AXDND1: variants seen among roughly 807,000 people sequenced by gnomAD.
The protein encoded by AXDND1 is axonemal dynein light chain domain-containing protein 1.
Under a neutral mutation model 137.5 loss-of-function variants are expected in AXDND1, and 110 were observed. That is an observed-to-expected ratio of 0.80 (90% CI 0.69 to 0.94). AXDND1 has a LOEUF of 0.94. Ranked by LOEUF, AXDND1 falls within the 40% of genes least tolerant of loss-of-function variation. The pLI is 0.00. For synonymous variants in AXDND1, 414 were observed against 399.7 expected, an observed-to-expected ratio of 1.04 and a Z score of -0.43; for missense variants, 1,191 against 1,169.8, an observed-to-expected ratio of 1.02 and a Z score of -0.26.
intron 16 of AXDND1, chr1:179,451,475 A>C (rs1660545269): frequency 6.6e-6 from 1 of 152,094 alleles, no homozygotes; most frequent in Non-Finnish European, 1.5e-5. Context: ...AAGGTTTATC[A>C]ATTTTGTGGA....
At chr1:179,421,696 T>A (rs114195101) in intron 12 of AXDND1, among the ~76,000 whole-genome samples, 6,383 of 152,104 alleles carry the variant, frequency 0.042, 200 homozygotes, top group Non-Finnish European at 0.062. Flanking sequence ...ATCTTTTTTC[T>A]TATTTAGTCT....
chr1:179,395,987 G>T (rs1349323030), intron 11 of AXDND1, among the ~76,000 whole-genome samples: 3 of 151,842 alleles, frequency 2.0e-5, no homozygotes, highest in Admixed American at 6.6e-5. Context: ...TGGCCAACAT[G>T]GCAAAACCCC....
chr1:179,544,698 A>AAAAG, intron 25 of AXDND1: 1 of 152,046 alleles, frequency 6.6e-6, no homozygotes, highest in East Asian at 1.9e-4. Context: ...AAGAAAAAGA[A>AAAAG]AAAAAGAGAG....
At chr1:179,547,434 C>T (rs1243021824) in intron 25 of AXDND1, among the ~76,000 whole-genome samples, 3 of 152,198 alleles carry the variant, frequency 2.0e-5, no homozygotes. Context: ...ATGAACTATG[C>T]AGAGTGCAGG....
chr1:179,487,413 A>G (rs902284094), intron 18 of AXDND1, among the ~76,000 whole-genome samples: 1 of 148,770 alleles, frequency 6.7e-6, no homozygotes, highest in Admixed American at 6.6e-5. Context: ...TGTTTGGTAC[A>G]TTATAAAACA....
At chr1:179,448,971 C>T in intron 16 of AXDND1, 1 of 293,856 alleles carries the variant, frequency 3.4e-6, no homozygotes, top group South Asian at 2.6e-5. Flanking sequence ...ATTGCAGTCT[C>T]AGCCTCCTGG....
At chr1:179,523,242 TG>T (rs1182741114) in intron 21 of AXDND1, among the ~76,000 whole-genome samples, 7 of 41,696 alleles carry the variant, frequency 1.7e-4, no homozygotes, top group African/African-American at 2.7e-4. Context: ...TGATTGTTTT[TG>T]TTTTTTTTTT....
intron 20 of AXDND1, among the ~76,000 whole-genome samples, chr1:179,503,702 C>G (rs1392000994): frequency 6.6e-6 from 1 of 152,084 alleles, no homozygotes; most frequent in African/African-American, 2.4e-5. Context: ...CATCCCTCCC[C>G]CCTGCCCTCA....
chr1:179,519,048 A>T (rs1457504526), intron 21 of AXDND1, among the ~76,000 whole-genome samples: 1 of 152,180 alleles, frequency 6.6e-6, no homozygotes, highest in East Asian at 1.9e-4. Flanking sequence ...CCTTGCCAGC[A>T]TCTGTTATTT....
chr1:179,550,982 G>A, intron 25 of AXDND1: 1 of 675,674 alleles, frequency 1.5e-6, no homozygotes, highest in Non-Finnish European at 2.5e-6. Context: ...ACGGAAACAT[G>A]TTGTCTGCCT....
chr1:179,400,468 T>A (rs11583817), intron 11 of AXDND1, among the ~76,000 whole-genome samples: 44,219 of 151,766 alleles, frequency 0.29, 6,639 homozygotes, highest in Non-Finnish European at 0.31. Flanking sequence ...AATATGGTGC[T>A]GTGTATACTG....
At chr1:179,502,893 C>T (rs1668154134) in intron 20 of AXDND1, among the ~76,000 whole-genome samples, 2 of 151,842 alleles carry the variant, frequency 1.3e-5, no homozygotes, top group Non-Finnish European at 2.9e-5. Flanking sequence ...GTTGGGAGAT[C>T]AAGACCAGCC....
In AXDND1 at chr1:179,467,971, T is replaced by C. The variant is rs1403475235; in HGVS notation, c.1799-472T>C. On this transcript the variant is annotated intron_variant, in intron 16 of 25. Transcript: ENST00000367618. ...ATCCACACTCAAGTTTTGTTCAGAC[T>C]AAAAGCTATAAACTTTATGAAACCC... is the stretch of plus-strand genomic sequence containing the variant. 3.9e-5 allele frequency among the ~76,000 whole-genome samples: 6 copies of C among 152,334 alleles called. No homozygotes were observed. The East Asian group carries it at 1.2e-3, about 29-fold the overall frequency.
chr1:179,458,663 A>G (rs1346229302), intron 16 of AXDND1, among the ~76,000 whole-genome samples: 1 of 152,126 alleles, frequency 6.6e-6, no homozygotes, highest in Non-Finnish European at 1.5e-5. Context: ...GTGTGATCAT[A>G]TAAGAGATGC....
chr1:179,539,534 T>C (rs904931038), intron 25 of AXDND1, among the ~76,000 whole-genome samples: 2 of 152,238 alleles, frequency 1.3e-5, no homozygotes, highest in African/African-American at 2.4e-5. Flanking sequence ...CTCTTCTGGC[T>C]TGTAGGGTTT....
intron 17 of AXDND1, among the ~76,000 whole-genome samples, chr1:179,476,217 A>G (rs1181728880): frequency 2.6e-5 from 4 of 152,234 alleles, no homozygotes; most frequent in African/African-American, 7.2e-5. Context: ...ATACATTGTT[A>G]TAATTATAAA....
At chr1:179,524,977 A>G (rs1670396793) in intron 21 of AXDND1, among the ~76,000 whole-genome samples, 1 of 152,104 alleles carries the variant, frequency 6.6e-6, no homozygotes, top group Non-Finnish European at 1.5e-5. Context: ...CTCAGATCCA[A>G]TCATGTGCAT....
At chr1:179,519,436 G>A (rs1669854230) in intron 21 of AXDND1, among the ~76,000 whole-genome samples, 1 of 151,964 alleles carries the variant, frequency 6.6e-6, no homozygotes, top group Admixed American at 6.6e-5. Context: ...ATTGTTTTTG[G>A]CATCTTCATT....
chr1:179,437,306 G>A (rs1320045403), intron 15 of AXDND1, among the ~76,000 whole-genome samples: 1 of 152,200 alleles, frequency 6.6e-6, no homozygotes, highest in Non-Finnish European at 1.5e-5. Context: ...GGGGGCGGGT[G>A]ATTGTCGGGT....
Sources: gnomAD v4.1 joint callset for allele counts (sites outside exome capture counted in the v4.1 genomes callset) on GRCh38, gnomAD v4.1.1 for gene constraint, MANE v1.5 for transcripts, NCBI Gene and HGNC (gene_info 2026-07-23, HGNC 2026-07-21) for gene names.